SLC24A2: variants seen among roughly 807,000 people sequenced by gnomAD.
The protein encoded by SLC24A2 is solute carrier family 24 member 2, also known as sodium/potassium/calcium exchanger 2.
Under a neutral mutation model 62.0 loss-of-function variants are expected in SLC24A2, and 36 were observed. The ratio of observed to expected loss-of-function variants is 0.58; its 90% confidence interval spans 0.44 to 0.77. The LOEUF is 0.77. Among genes scored for constraint, SLC24A2 ranks in the 30% least tolerant of loss-of-function variants. The probability of loss-of-function intolerance (pLI) is 0.00; values close to 1 mark genes in which losing one functional copy is unlikely to be tolerated. For missense variants in SLC24A2, 846 were observed against 817.9 expected (o/e 1.03, Z -0.42); for synonymous variants, 358 against 294.0 (o/e 1.22, Z -2.23).
At chr9:20,019,688 A>C in the SLC24A2 span, among the ~76,000 whole-genome samples, 1 of 152,226 alleles carries the variant, frequency 6.6e-6, no homozygotes, top group Non-Finnish European at 1.5e-5. Context: ...AAAACACCGA[A>C]AGAAATGGCA....
chr9:20,049,847 G>T, the SLC24A2 span, among the ~76,000 whole-genome samples: 1 of 152,082 alleles, frequency 6.6e-6, no homozygotes. Context: ...TGTTACAGAG[G>T]AAGTTAGCAC....
chr9:19,817,103 C>T, the SLC24A2 span, among the ~76,000 whole-genome samples: 1 of 151,988 alleles, frequency 6.6e-6, no homozygotes, highest in Non-Finnish European at 1.5e-5. Flanking sequence ...TGGAGAAGCA[C>T]ATACTATCAA....
At chr9:19,760,872 T>C (rs914594781) in intron 2 of SLC24A2, among the ~76,000 whole-genome samples, 1 of 144,152 alleles carries the variant, frequency 6.9e-6, no homozygotes, top group Non-Finnish European at 1.5e-5. Context: ...ATGAGAACAC[T>C]TGGACACAGG....
the SLC24A2 span, among the ~76,000 whole-genome samples, chr9:20,135,868 AAT>A: frequency 6.6e-6 from 1 of 152,172 alleles, no homozygotes; most frequent in Non-Finnish European, 1.5e-5. Flanking sequence ...TTTGAAACAT[AAT>A]AAAGAAAGAG....
At chr9:19,859,900 A>G in the SLC24A2 span, among the ~76,000 whole-genome samples, 3 of 152,198 alleles carry the variant, frequency 2.0e-5, no homozygotes, top group South Asian at 6.2e-4. Context: ...GTGCATTTAA[A>G]CCAGCCCTAG....
chr9:20,235,144 G>A, the SLC24A2 span, among the ~76,000 whole-genome samples: 9 of 152,310 alleles, frequency 5.9e-5, no homozygotes, highest in Middle Eastern at 3.4e-3. Flanking sequence ...CTACTGGGGG[G>A]TGCCTCCCAG....
the SLC24A2 span, among the ~76,000 whole-genome samples, chr9:20,191,235 T>C: frequency 2.0e-5 from 3 of 152,092 alleles, no homozygotes; most frequent in African/African-American, 7.2e-5. Context: ...CTATTATTGC[T>C]TTTAGCTTAT....
At chr9:20,068,451 T>A in the SLC24A2 span, among the ~76,000 whole-genome samples, 50 of 152,234 alleles carry the variant, frequency 3.3e-4, no homozygotes, top group Non-Finnish European at 5.4e-4. Flanking sequence ...ATCTGCCTTG[T>A]TGGGTTCACA....
At chr9:19,517,632 C>G (rs1384076349) in intron 10 of SLC24A2, among the ~76,000 whole-genome samples, 1 of 152,116 alleles carries the variant, frequency 6.6e-6, no homozygotes. Context: ...GGGATCAATA[C>G]CGGCACTTTG....
At chr9:20,147,647 A>G in the SLC24A2 span, among the ~76,000 whole-genome samples, 2 of 152,124 alleles carry the variant, frequency 1.3e-5, no homozygotes, top group South Asian at 2.1e-4. Context: ...CTTTCAGAAG[A>G]TATGTTTATT....
At chr9:19,907,380 G>A in the SLC24A2 span, among the ~76,000 whole-genome samples, 4 of 152,216 alleles carry the variant, frequency 2.6e-5, no homozygotes, top group Admixed American at 2.6e-4. Context: ...ATACTGAATG[G>A]GCAAAAACTG....
chr9:20,239,026 C>A, the SLC24A2 span, among the ~76,000 whole-genome samples: 3 of 152,182 alleles, frequency 2.0e-5, no homozygotes, highest in African/African-American at 7.2e-5. Context: ...ACTAAATTGG[C>A]TAAATCCTTG....
At chr9:20,007,877 C>CTTTTT in the SLC24A2 span, among the ~76,000 whole-genome samples, 2 of 79,506 alleles carry the variant, frequency 2.5e-5, no homozygotes, top group African/African-American at 1.1e-4. Context: ...TCTTACTCCT[C>CTTTTT]TCTTTTTTTT....
At chr9:19,936,134 C>T in the SLC24A2 span, among the ~76,000 whole-genome samples, 12 of 152,064 alleles carry the variant, frequency 7.9e-5, no homozygotes, top group African/African-American at 2.2e-4. Context: ...TAGAGCCCAC[C>T]GTGATACCAG....
chr9:19,626,300 C>T (rs1487206718), intron 2 of SLC24A2, among the ~76,000 whole-genome samples: 1 of 152,224 alleles, frequency 6.6e-6, no homozygotes, highest in African/African-American at 2.4e-5. Context: ...CAGGGCCACT[C>T]AGTAAGAGGA....
At chr9:19,712,497 T>C (rs972709332) in intron 2 of SLC24A2, among the ~76,000 whole-genome samples, 4 of 152,096 alleles carry the variant, frequency 2.6e-5, no homozygotes, top group Admixed American at 2.0e-4. Context: ...CTAGTTCTCC[T>C]TGGGGAGTTT....
the SLC24A2 span, among the ~76,000 whole-genome samples, chr9:19,820,054 TAC>T: frequency 0.075 from 1,374 of 18,424 alleles, 60 homozygotes; most frequent in African/African-American, 0.095. Flanking sequence ...TATATATATA[TAC>T]ACATATATAT....
chr9:20,152,258 A>G, the SLC24A2 span, among the ~76,000 whole-genome samples: 1 of 152,060 alleles, frequency 6.6e-6, no homozygotes, highest in African/African-American at 2.4e-5. Context: ...TCCAAGAAGC[A>G]CATGAGCTTT....
At chr9:20,215,592 G>T in the SLC24A2 span, among the ~76,000 whole-genome samples, 1 of 152,228 alleles carries the variant, frequency 6.6e-6, no homozygotes, top group African/African-American at 2.4e-5. Context: ...ACTAGCCCAG[G>T]ACTTCTTATA....
Sources: allele counts gnomAD v4.1 joint callset (sites outside exome capture counted in the v4.1 genomes callset), GRCh38; gene constraint gnomAD v4.1.1; transcripts MANE v1.5; gene names NCBI Gene and HGNC (gene_info 2026-07-23, HGNC 2026-07-21).